The following PPTC7 variants were observed in gnomAD, a reference collection of about 807,000 sequenced individuals.
PPTC7 encodes protein phosphatase PTC7 homolog.
In PPTC7, 6 loss-of-function variants were observed where a neutral mutation model predicts 30.8. The ratio of observed to expected loss-of-function variants is 0.19; its 90% confidence interval spans 0.11 to 0.38. The LOEUF (loss-of-function observed/expected upper bound fraction) is 0.38. Ranked by LOEUF, PPTC7 falls within the 10% of genes least tolerant of loss-of-function variation. PPTC7 has a pLI of 1.00. For missense variants in PPTC7, 218 were observed against 404.8 expected (o/e 0.54, Z 3.96); for synonymous variants, 163 against 168.1 (o/e 0.97, Z 0.23).
chr12:110,543,672 G>A (rs2064282561), intron 3 of PPTC7, among the ~76,000 whole-genome samples: 1 of 152,138 alleles, frequency 6.6e-6, no homozygotes, highest in Admixed American at 6.5e-5. Context: ...GCTCCCATTG[G>A]ACAGTTCGTC....
chr12:110,558,311 G>C (rs1467585448), intron 1 of PPTC7, among the ~76,000 whole-genome samples: 1 of 152,130 alleles, frequency 6.6e-6, no homozygotes, highest in Non-Finnish European at 1.5e-5. Context: ...TATCCAGTTT[G>C]TCAGAATGAT....
At chr12:110,573,361 T>C (rs1400040306) in intron 1 of PPTC7, among the ~76,000 whole-genome samples, 1 of 152,164 alleles carries the variant, frequency 6.6e-6, no homozygotes, top group African/African-American at 2.4e-5. Flanking sequence ...GTTTAGTAAC[T>C]GATGGGCTAT....
chr12:110,574,916 T>A (rs2135794827), intron 1 of PPTC7, among the ~76,000 whole-genome samples: 1 of 151,530 alleles, frequency 6.6e-6, no homozygotes, highest in African/African-American at 2.4e-5. Context: ...GTAGCTAGGA[T>A]TACAGGCACT....
At chr12:110,545,340 G>A (rs187805176) in intron 3 of PPTC7, among the ~76,000 whole-genome samples, 6 of 152,276 alleles carry the variant, frequency 3.9e-5, no homozygotes, top group Admixed American at 2.6e-4. Context: ...TGATCCACCC[G>A]CCTCAGCCTC....
chr12:110,572,448 A>C (rs185924728), intron 1 of PPTC7, among the ~76,000 whole-genome samples: 1 of 152,096 alleles, frequency 6.6e-6, no homozygotes, highest in Non-Finnish European at 1.5e-5. Context: ...CTTAAAAACA[A>C]AAAACAAAAA....
In PPTC7 at chr12:110,583,201, T is replaced by C. The variant is rs1158020045; in HGVS notation, c.-170A>G. 5 of 236,016 alleles carry C rather than the reference T, an allele frequency of 2.1e-5. No homozygotes were observed. In the East Asian group the frequency reaches 5.2e-4, roughly 25 times the overall value. The allele number at this position is 236,016 out of a possible 1,614,324, so 14.6% of individuals were successfully genotyped here. A position where few individuals can be genotyped will look rare whatever the true frequency, so the allele number is the denominator to read the frequency against. On this transcript the variant is annotated 5_prime_UTR_variant, in exon 1 of 6. Coordinates refer to ENST00000354300, the MANE Select transcript of PPTC7 (RefSeq NM_139283.2). ...CCGACGCGCGGGGCCTCGCACGCGC[T>C]CAGCCGCGCGCACCGGAGCCAGAGC... is the stretch of plus-strand genomic sequence containing the variant.
At chr12:110,572,215 G>A (rs2064542406) in intron 1 of PPTC7, among the ~76,000 whole-genome samples, 1 of 152,170 alleles carries the variant, frequency 6.6e-6, no homozygotes. Flanking sequence ...GGAGGCCAAG[G>A]TGGGTGGATC....
intron 1 of PPTC7, among the ~76,000 whole-genome samples, chr12:110,558,387 C>T (rs2064406864): frequency 6.6e-6 from 1 of 152,138 alleles, no homozygotes; most frequent in Non-Finnish European, 1.5e-5. Flanking sequence ...CTAGAAGGGC[C>T]TTGAATGCCA....
At chr12:110,551,668 C>G (rs1183168385) in intron 2 of PPTC7, 121 bp downstream of exon 2, 7 of 918,840 alleles carry the variant, frequency 7.6e-6, no homozygotes, top group Non-Finnish European at 1.2e-5. Context: ...GTTTCTCTAT[C>G]ACACTCTGCT....
Position 110,563,056 on chromosome 12 carries a change from T to C in PPTC7, c.224-11088A>G, listed in dbSNP as rs1252713610. ...ATTGCCTGAACCTGGGAGGCAGAGATTGCAGTAAGCAAAGATTGCGCCATT... is the reference window on the plus strand; with the variant it reads ...ATTGCCTGAACCTGGGAGGCAGAGACTGCAGTAAGCAAAGATTGCGCCATT... On this transcript the variant is annotated intron_variant, in intron 1 of 5. Transcript: ENST00000354300. Among the ~76,000 whole-genome samples the C allele has an allele frequency of 4.4e-5, 6 of 136,954 alleles. No individual in the cohort carries two copies. The Admixed American group carries it at 5.0e-4, about 11-fold the overall frequency. 89.8% of individuals were successfully genotyped at this position (136,954 alleles called of 152,430 possible). A position where few individuals can be genotyped will look rare whatever the true frequency, so the allele number is the denominator to read the frequency against.
In PPTC7 at chr12:110,535,302, CATT is replaced by C. The variant is rs2064210885; in HGVS notation, c.*1732_*1734del. On this transcript the variant is annotated 3_prime_UTR_variant, in exon 6 of 6. Transcript: ENST00000354300. ...AGGTGATTCAAAATAGATTATCTAACATTATGCCAATTTAGGAATAGTAGATAA... is the reference window on the plus strand; with the variant it reads ...AGGTGATTCAAAATAGATTATCTAACATGCCAATTTAGGAATAGTAGATAA... 1 of 149,488 alleles carries C rather than the reference CATT, an allele frequency of 6.7e-6. No homozygotes were observed. Among genetic ancestry groups the C allele is most frequent in the Non-Finnish European group, 1.5e-5 (1 of 67,364 alleles). The allele number at this position is 149,488 out of a possible 1,614,324, so 9.3% of individuals were successfully genotyped here.
At chr12:110,539,745 T>C in intron 4 of PPTC7, 77 bp downstream of exon 4, 2 of 1,318,562 alleles carry the variant, frequency 1.5e-6, no homozygotes, top group East Asian at 4.8e-5. Context: ...TACAAAGAGA[T>C]AATGCAACTG....
chr12:110,572,100 C>T (rs898385301), intron 1 of PPTC7, among the ~76,000 whole-genome samples: 1 of 152,284 alleles, frequency 6.6e-6, no homozygotes, highest in East Asian at 1.9e-4. Context: ...ACAGCATAGA[C>T]TAATTTTGGT....
intron 4 of PPTC7, among the ~76,000 whole-genome samples, chr12:110,539,242 C>G (rs1163223766): frequency 2.0e-5 from 3 of 152,084 alleles, no homozygotes; most frequent in African/African-American, 4.8e-5. Context: ...ATCTCAGCAA[C>G]TTCAATAAAT....
Position 110,546,279 on chromosome 12 carries a change from G to T in PPTC7, c.404-201C>A, listed in dbSNP as rs1397892903. ...GTTAACACGGTGGGGAAAGAAAAAGGATTTGTATTATACATAGTAATTGGG... is the reference window on the plus strand; with the variant it reads ...GTTAACACGGTGGGGAAAGAAAAAGTATTTGTATTATACATAGTAATTGGG... On this transcript the variant is annotated intron_variant, in intron 2 of 5. Coordinates refer to ENST00000354300, the MANE Select transcript of PPTC7 (RefSeq NM_139283.2). 12 of 579,636 alleles carry T rather than the reference G, an allele frequency of 2.1e-5. No individual in the cohort carries two copies. The Admixed American group carries it at 3.3e-4, about 16-fold the overall frequency. 35.9% of individuals were successfully genotyped at this position (579,636 alleles called of 1,614,324 possible). A position where few individuals can be genotyped will look rare whatever the true frequency, so the allele number is the denominator to read the frequency against.
intron 3 of PPTC7, among the ~76,000 whole-genome samples, chr12:110,542,861 AAC>A (rs1400231570): frequency 6.6e-6 from 1 of 151,934 alleles, no homozygotes; most frequent in Non-Finnish European, 1.5e-5. Flanking sequence ...GCCTGATGAA[AAC>A]AGACATAAAA....
chr12:110,571,434 A>C (rs945630176), intron 1 of PPTC7, among the ~76,000 whole-genome samples: 3 of 151,942 alleles, frequency 2.0e-5, no homozygotes, highest in Non-Finnish European at 4.4e-5. Flanking sequence ...GAACCATTTC[A>C]AACAGAAGAA....
rs1462260959 is a variant in PPTC7, at chr12:110,535,483, C to T, written c.*1554G>A. 1 of 152,550 alleles carries T rather than the reference C, an allele frequency of 6.6e-6. No individual in the cohort carries two copies. Among genetic ancestry groups the T allele is most frequent in the Non-Finnish European group, 1.5e-5 (1 of 68,016 alleles). The allele number at this position is 152,550 out of a possible 1,614,324, so 9.4% of individuals were successfully genotyped here. A position where few individuals can be genotyped will look rare whatever the true frequency, so the allele number is the denominator to read the frequency against. The stretch of plus-strand genomic sequence containing the variant: ...CTGACAGTTACTCAAATATACAGTA[C>T]AAATTCACAAAACAAAATCTTTTAA... On this transcript the variant is annotated 3_prime_UTR_variant, in exon 6 of 6. Transcript: ENST00000354300.
At position 110,536,037 on chromosome 12, in the gene PPTC7, T is replaced by C. The variant is rs1028156821; in HGVS notation, c.*1000A>G. The C allele has an allele frequency of 5.2e-5, 8 of 152,462 alleles. No homozygotes were observed. Among genetic ancestry groups the C allele is most frequent in the East Asian group, 3.8e-4 (2 of 5,200 alleles). 9.4% of individuals were successfully genotyped at this position (152,462 alleles called of 1,614,324 possible). On this transcript the variant is annotated 3_prime_UTR_variant, in exon 6 of 6. Transcript: ENST00000354300. ...CTCACTGGATTTGGTGCATGCTCTA[T>C]AGAAAGCAAGGCTACTAATAAAAGG...
Sources: gnomAD v4.1 joint callset for allele counts (sites outside exome capture counted in the v4.1 genomes callset) on GRCh38, gnomAD v4.1.1 for gene constraint, MANE v1.5 for transcripts, NCBI Gene and HGNC (gene_info 2026-07-23, HGNC 2026-07-21) for gene names.